The following CRHR2 variants were observed in gnomAD, a reference collection of about 807,000 sequenced individuals.
The protein encoded by CRHR2 is corticotropin-releasing hormone receptor 2.
A neutral mutation model predicts 57.9 loss-of-function variants in CRHR2; 53 were observed. The observed-to-expected ratio is 0.92, with a 90% CI of 0.73 to 1.15. CRHR2 has a LOEUF of 1.15. Among genes scored for constraint, CRHR2 ranks in the 50% most tolerant of loss-of-function variants. The pLI is 0.00. For synonymous variants in CRHR2, 213 were observed against 220.9 expected, an observed-to-expected ratio of 0.96 and a Z score of 0.32; for missense variants, 532 against 542.6, an observed-to-expected ratio of 0.98 and a Z score of 0.19.
At chr7:30,696,748 A>C (rs1785065462) in intron 1 of CRHR2, among the ~76,000 whole-genome samples, 1 of 152,106 alleles carries the variant, frequency 6.6e-6, no homozygotes, top group African/African-American at 2.4e-5. Context: ...AAATAATTAA[A>C]ATTAAAATTT....
chr7:30,667,988 G>A (rs1205006949), intron 2 of CRHR2, among the ~76,000 whole-genome samples: 1 of 152,238 alleles, frequency 6.6e-6, no homozygotes, highest in East Asian at 1.9e-4. Flanking sequence ...TGGCAAACAG[G>A]AATGAGTGAA....
At chr7:30,682,111 T>G (rs1484998149) in intron 1 of CRHR2, 67 bp downstream of exon 1, 2 of 1,537,360 alleles carry the variant, frequency 1.3e-6, no homozygotes, top group Non-Finnish European at 1.7e-6. Flanking sequence ...GAGCGCGGGG[T>G]CAGGGGCGCA....
chr7:30,698,387 G>C (rs1785100239), intron 1 of CRHR2, among the ~76,000 whole-genome samples: 2 of 152,212 alleles, frequency 1.3e-5, no homozygotes, highest in African/African-American at 4.8e-5. Flanking sequence ...TAACCAGCTT[G>C]GGCGGCTGGC....
At position 30,660,665 on chromosome 7, in the gene CRHR2, G is replaced by A. The variant is rs1347042457; in HGVS notation, c.759-20C>T. ...CAGCACCTGTGAAGATGGGGTGGCT[G>A]TAGGGGGCCTCCTGAGCTGGAACTG... On this transcript the variant is annotated intron_variant, in intron 7 of 11. Transcript: ENST00000471646. 1 of 1,556,350 alleles carries A rather than the reference G, an allele frequency of 6.4e-7. No individual in the cohort carries two copies. Among genetic ancestry groups the A allele is most frequent in the Non-Finnish European group, 8.7e-7 (1 of 1,150,134 alleles).
chr7:30,666,031 A>G (rs557874278), intron 3 of CRHR2, among the ~76,000 whole-genome samples: 31 of 152,214 alleles, frequency 2.0e-4, no homozygotes, highest in African/African-American at 6.5e-4. Context: ...TGGCACCAAC[A>G]TGCATTTTTG....
rs776568143 is a variant in CRHR2, at chr7:30,655,955, A to ACG, written c.887_888dup (p.Ser297ArgfsTer14). 4 of 1,612,996 alleles carry ACG rather than the reference A, an allele frequency of 2.5e-6. No homozygotes were observed. Among genetic ancestry groups the ACG allele is most frequent in the Non-Finnish European group, 3.4e-6 (4 of 1,179,380 alleles). On this transcript the variant is annotated frameshift_variant, in exon 9 of 12. Transcript: ENST00000471646. LOFTEE classifies it high-confidence loss of function. ...TACTGGATTGTCTCGGATGTGGTGG[A>ACG]CGCGCGTAACTTTGTCATTAGGATC...
intron 11 of CRHR2, chr7:30,654,769 C>T (rs1320046965): frequency 1.3e-6 from 2 of 1,536,482 alleles, no homozygotes; most frequent in Admixed American, 3.9e-5. Context: ...TTCTCTCTTC[C>T]ATGAGGCCCT....
At chr7:30,687,958 A>G (rs1784887005) in intron 2 of CRHR2, among the ~76,000 whole-genome samples, 1 of 152,200 alleles carries the variant, frequency 6.6e-6, no homozygotes, top group Non-Finnish European at 1.5e-5. Flanking sequence ...ACTTAGATCC[A>G]TTGCTAAACA....
intron 2 of CRHR2, among the ~76,000 whole-genome samples, chr7:30,680,236 T>C (rs1584125108): frequency 6.6e-6 from 1 of 151,462 alleles, no homozygotes; most frequent in South Asian, 2.1e-4. Context: ...CAATTGTGAG[T>C]GAGAGCCTCA....
At chr7:30,674,043 C>T (rs946493115) in intron 2 of CRHR2, among the ~76,000 whole-genome samples, 7 of 152,218 alleles carry the variant, frequency 4.6e-5, no homozygotes, top group Non-Finnish European at 1.0e-4. Context: ...TGAGCCTCGA[C>T]TGCCTGTTCT....
intron 7 of CRHR2, 23 bp from the exon 8 acceptor site, chr7:30,660,668 G>A (rs779816472): frequency 2.4e-5 from 38 of 1,554,966 alleles, no homozygotes; most frequent in Non-Finnish European, 3.2e-5. Context: ...GGTGGCTGTA[G>A]GGGGCCTCCT....
rs192930404 is a variant in CRHR2, at chr7:30,655,958, C to T, written c.886G>A (p.Ala296Thr). The T allele has an allele frequency of 3.5e-5, 56 of 1,613,954 alleles. No homozygotes were observed. In the East Asian group the frequency reaches 4.2e-4, roughly 12 times the overall value. ...IVRILMTKLR[A>T]STTSETIQYR... ...TGGATTGTCTCGGATGTGGTGGACG[C>T]GCGTAACTTTGTCATTAGGATCCTG... The change falls in exon 9 of 12, where the codon GCG becomes ACG. Residue 296 changes from alanine to threonine, a missense_variant. By Grantham distance (58) the Ala-to-Thr change is moderately conservative. Coordinates refer to ENST00000471646, the MANE Select transcript of CRHR2 (RefSeq NM_001883.5).
At chr7:30,683,991 T>A (rs41353344), upstream of CRHR2, among the ~76,000 whole-genome samples, 18,257 of 152,120 alleles carry the variant, frequency 0.12, 1,178 homozygotes, top group Admixed American at 0.16. Flanking sequence ...GCAGAGCGAG[T>A]GAGACCACAC....
At chr7:30,686,625 A>G (rs1191192542), upstream of CRHR2, 1 of 966,286 alleles carries the variant, frequency 1.0e-6, no homozygotes, top group Non-Finnish European at 1.6e-6. Context: ...CCTACAAAAA[A>G]TAATAAAAAA....
chr7:30,688,738 G>C, intron 2 of CRHR2: 1 of 452,340 alleles, frequency 2.2e-6, no homozygotes, highest in Non-Finnish European at 4.4e-6. Context: ...GGCTGGCCCT[G>C]ACCCTGTGAA....
chr7:30,661,313 T>G (rs576232834), intron 7 of CRHR2, among the ~76,000 whole-genome samples: 1 of 152,336 alleles, frequency 6.6e-6, no homozygotes, highest in East Asian at 1.9e-4. Flanking sequence ...CTCTGAAATC[T>G]TGGAGGTCAT....
intron 10 of CRHR2, 101 bp from the exon 11 acceptor site, chr7:30,655,181 T>C: frequency 7.5e-7 from 1 of 1,342,032 alleles, no homozygotes; most frequent in South Asian, 1.3e-5. Context: ...GGGGGACAAT[T>C]TGACCCAGGA....
In CRHR2 at chr7:30,655,994, A is replaced by T; in HGVS notation, c.850T>A (p.Phe284Ile). Residue 284 changes from phenylalanine to isoleucine, a missense_variant, in exon 9 of 12, where the codon TTC becomes ATC. Coordinates refer to ENST00000471646, the MANE Select transcript of CRHR2 (RefSeq NM_001883.5). ...GTCATTAGGATCCTGACGATGTTGA[A>T]CAGAAATACGAAATTGATCTGGAGG... is the stretch of plus-strand genomic sequence containing the variant. ...LVLLINFVFL[F>I]NIVRILMTKL... 1 of 1,613,812 alleles carries T rather than the reference A, an allele frequency of 6.2e-7. No homozygotes were observed. Among genetic ancestry groups the T allele is most frequent in the Non-Finnish European group, 8.5e-7 (1 of 1,179,784 alleles).
intron 1 of CRHR2, among the ~76,000 whole-genome samples, chr7:30,694,177 C>A (rs192627663): frequency 7.2e-5 from 11 of 152,358 alleles, no homozygotes; most frequent in Admixed American, 7.2e-4. Flanking sequence ...ATCCCCACCC[C>A]TAATCCCGGG....
Sources: allele counts gnomAD v4.1 joint callset (sites outside exome capture counted in the v4.1 genomes callset), GRCh38; gene constraint gnomAD v4.1.1; transcripts MANE v1.5; gene names NCBI Gene and HGNC (gene_info 2026-07-23, HGNC 2026-07-21).